The following DBT variants were observed in gnomAD, a reference collection of about 807,000 sequenced individuals.
The protein encoded by DBT is lipoamide acyltransferase component of branched-chain alpha-keto acid dehydrogenase complex, mitochondrial.
DBT carries 40 observed loss-of-function variants against 51.3 expected under a neutral mutation model. The ratio of observed to expected loss-of-function variants is 0.78; its 90% CI spans 0.61 to 1.02. The LOEUF (loss-of-function observed/expected upper bound fraction) is 1.02, where lower values mean the gene tolerates loss of function less well. Ranked by LOEUF, DBT falls within the 50% of genes least tolerant of loss-of-function variation. DBT has a pLI of 0.00. For synonymous variants in DBT, 181 were observed against 190.4 expected, an observed-to-expected ratio of 0.95 and a Z score of 0.41; for missense variants, 510 against 580.2, an observed-to-expected ratio of 0.88 and a Z score of 1.24.
intron 3 of DBT, among the ~76,000 whole-genome samples, chr1:100,231,784 G>A (rs569335894): frequency 6.6e-6 from 1 of 152,158 alleles, no homozygotes; most frequent in South Asian, 2.1e-4. Flanking sequence ...CAGAATTTTG[G>A]AAATCAAAAA....
chr1:100,232,485 A>G (rs1317250008), intron 3 of DBT, among the ~76,000 whole-genome samples: 1 of 152,120 alleles, frequency 6.6e-6, no homozygotes, highest in African/African-American at 2.4e-5. Flanking sequence ...TGTAACTTTA[A>G]AAAAAAATCC....
intron 10 of DBT, among the ~76,000 whole-genome samples, chr1:100,197,682 G>T (rs146639303): frequency 2.0e-5 from 3 of 152,134 alleles, no homozygotes; most frequent in Non-Finnish European, 4.4e-5. Context: ...AGTGACATAG[G>T]AGGAAAACCA....
intron 4 of DBT, among the ~76,000 whole-genome samples, chr1:100,223,179 A>C (rs1389776177): frequency 6.6e-6 from 1 of 152,186 alleles, no homozygotes; most frequent in East Asian, 1.9e-4. Flanking sequence ...ACATGTATGA[A>C]ATTTTTAAAA....
chr1:100,210,775 T>A lies in DBT; in HGVS notation c.940-4A>T. 6.2e-7 allele frequency: 1 copy of A among 1,613,604 alleles called. No homozygotes were observed. Among genetic ancestry groups the A allele is most frequent in the Non-Finnish European group, 8.5e-7 (1 of 1,179,578 alleles). On this transcript the variant is annotated splice_region_variant and splice_polypyrimidine_tract_variant and intron_variant, in intron 7 of 10. Transcript: ENST00000370132. ...GTAGTAATCCCAAGGAAGCAGCCTG[T>A]TTAACAGAAAAAGAATGCAATTTTA...
chr1:100,216,084 T>C lies in DBT; in HGVS notation c.671A>G (p.Glu224Gly). 1.1e-5 allele frequency: 17 copies of C among 1,613,882 alleles called. No individual in the cohort carries two copies. The highest frequency in any genetic ancestry group is 1.4e-5 in the Non-Finnish European group (16 of 1,179,778). Residue 224 changes from glutamate (E) to glycine (G), a missense_variant, in exon 6 of 11, where the codon GAA (glutamate) becomes GGA (glycine). By Grantham distance (98) the Glu-to-Gly change is moderately conservative. Transcript: ENST00000370132. ...TGGCTTTGGTGGAGGTGGCATAATT[T>C]CAACTTTGGGTGAAGGAGGCAATAT... The part of the protein sequence containing the change: ...GAILPPSPKV[E>G]IMPPPPKPKD...
At position 100,194,041 on chromosome 1, in the gene DBT, T is replaced by C. The variant is rs1660939302; in HGVS notation, c.*2214A>G. The C allele has an allele frequency of 6.6e-6, 1 of 152,240 alleles. No homozygotes were observed. Among genetic ancestry groups the C allele is most frequent in the Non-Finnish European group, 1.5e-5 (1 of 68,036 alleles). 9.4% of individuals were successfully genotyped at this position (152,240 alleles called of 1,614,324 possible). ...ATGTTTTAACAAAAAAGAATAGCCA[T>C]ACATACAGATAGATACATCAAAATG... On this transcript the variant is annotated 3_prime_UTR_variant, in exon 11 of 11. Transcript: ENST00000370132.
chr1:100,207,967 C>T (rs1293770892), intron 8 of DBT, among the ~76,000 whole-genome samples: 2 of 151,910 alleles, frequency 1.3e-5, no homozygotes, highest in Non-Finnish European at 2.9e-5. Context: ...CCCATCTGTA[C>T]GAAAAATACA....
chr1:100,245,890 T>G (rs891148936), intron 1 of DBT, among the ~76,000 whole-genome samples: 3 of 151,982 alleles, frequency 2.0e-5, no homozygotes, highest in Admixed American at 6.6e-5. Flanking sequence ...AGGTCAAGAC[T>G]GCAGTGAGCC....
rs1167827860 is a variant in DBT, at chr1:100,190,888, G to A, written c.*5367C>T. Reference sequence around the variant, plus strand: ...AGAAGAAAAGACCCGAACAGGTACTGTAAAGAGTGCCTTGGGCATGCGCTG... The same window carrying A: ...AGAAGAAAAGACCCGAACAGGTACTATAAAGAGTGCCTTGGGCATGCGCTG... On this transcript the variant is annotated 3_prime_UTR_variant, in exon 11 of 11. Transcript: ENST00000370132. 6.6e-6 allele frequency: 1 copy of A among 152,222 alleles called. No individual in the cohort carries two copies. The highest frequency in any genetic ancestry group is 6.5e-5 in the Admixed American group (1 of 15,292). 9.4% of individuals were successfully genotyped at this position (152,222 alleles called of 1,614,324 possible). A position where few individuals can be genotyped will look rare whatever the true frequency, so the allele number is the denominator to read the frequency against.
chr1:100,191,541 C>T lies in DBT; in HGVS notation c.*4714G>A, dbSNP rs1234140364. 6.6e-6 allele frequency: 1 copy of T among 152,120 alleles called. No individual in the cohort carries two copies. Among genetic ancestry groups the T allele is most frequent in the African/African-American group, 2.4e-5 (1 of 41,410 alleles). 9.4% of individuals were successfully genotyped at this position (152,120 alleles called of 1,614,324 possible). A position where few individuals can be genotyped will look rare whatever the true frequency, so the allele number is the denominator to read the frequency against. On this transcript the variant is annotated 3_prime_UTR_variant, in exon 11 of 11. Coordinates refer to ENST00000370132, the MANE Select transcript of DBT (RefSeq NM_001918.5). ...TGCCTTACTTTACATAGTTAACTTCCTTTTTAATCTGCCCATAAAAAAATT... is the reference window on the plus strand; with the variant it reads ...TGCCTTACTTTACATAGTTAACTTCTTTTTTAATCTGCCCATAAAAAAATT...
At position 100,214,801 on chromosome 1, in the gene DBT, A is replaced by G. The variant is rs1487437422; in HGVS notation, c.939+16T>C. 6.2e-7 allele frequency: 1 copy of G among 1,613,026 alleles called. No homozygotes were observed. The highest frequency in any genetic ancestry group is 8.5e-7 in the Non-Finnish European group (1 of 1,179,112). ...AATGTCCTACTCAAGCCTTGTTTGA[A>G]ATGAATGAATCTCACCTTTAAGAAG... is the stretch of plus-strand genomic sequence containing the variant. On this transcript the variant is annotated intron_variant, in intron 7 of 10. Coordinates refer to ENST00000370132, the MANE Select transcript of DBT (RefSeq NM_001918.5).
At chr1:100,244,277 C>A (rs191406569) in intron 1 of DBT, among the ~76,000 whole-genome samples, 1 of 152,176 alleles carries the variant, frequency 6.6e-6, no homozygotes, top group East Asian at 1.9e-4. Flanking sequence ...TCTGCTGGGA[C>A]ATTGAGCGGC....
chr1:100,243,872 T>C (rs1211872101), intron 1 of DBT, among the ~76,000 whole-genome samples: 4 of 150,408 alleles, frequency 2.7e-5, no homozygotes, highest in Non-Finnish European at 5.9e-5. Flanking sequence ...CACTCAAGCA[T>C]GGACATGCAT....
intron 10 of DBT, among the ~76,000 whole-genome samples, chr1:100,203,733 T>C (rs4495725): frequency 0.78 from 118,330 of 152,148 alleles, 48,024 homozygotes; most frequent in East Asian, 0.95. Context: ...TCCAGCAGCA[T>C]ATTACAAAGC....
In DBT at chr1:100,201,287, C is replaced by T. The variant is rs151237738; in HGVS notation, c.1282-4865G>A. On this transcript the variant is annotated intron_variant, in intron 10 of 10. Transcript: ENST00000370132. ...AGTATCAATAGCTGAATCGATCAAG[C>T]GGAAGAAAGGATATCAGAGATTGAA... Among the ~76,000 whole-genome samples the T allele has an allele frequency of 3.1e-3, 471 of 151,286 alleles. 3 individuals are homozygous for T. Among genetic ancestry groups the T allele is most frequent in the African/African-American group, 9.8e-3 (403 of 41,186 alleles).
chr1:100,245,641 T>G (rs1319714431), intron 1 of DBT, among the ~76,000 whole-genome samples: 1 of 152,178 alleles, frequency 6.6e-6, no homozygotes, highest in Non-Finnish European at 1.5e-5. Context: ...TTGACTAAAA[T>G]AGGTCTTTCC....
intron 1 of DBT, among the ~76,000 whole-genome samples, chr1:100,248,480 G>A (rs964908802): frequency 6.6e-6 from 1 of 152,224 alleles, no homozygotes; most frequent in African/African-American, 2.4e-5. Flanking sequence ...CTGGTTGGAA[G>A]ACTGGGGAAC....
At position 100,212,546 on chromosome 1, in the gene DBT, A is replaced by G. The variant is rs544715940; in HGVS notation, c.940-1775T>C. 5.3e-5 allele frequency among the ~76,000 whole-genome samples: 8 copies of G among 152,326 alleles called. No homozygotes were observed. In the South Asian group the frequency reaches 8.3e-4, roughly 16 times the overall value. ...CAAAGTGAACCCTTTCTAAAAAAAA[A>G]AAGAAGAAAGAAAGAAAAAGGGAGA... is the stretch of plus-strand genomic sequence containing the variant. On this transcript the variant is annotated intron_variant, in intron 7 of 10. Coordinates refer to ENST00000370132, the MANE Select transcript of DBT (RefSeq NM_001918.5).
Position 100,240,888 on chromosome 1 carries a change from C to T in DBT, c.52-4G>A, listed in dbSNP as rs2100844854. The T allele has an allele frequency of 6.2e-7, 1 of 1,612,994 alleles. No homozygotes were observed. Among genetic ancestry groups the T allele is most frequent in the Non-Finnish European group, 8.5e-7 (1 of 1,179,354 alleles). On this transcript the variant is annotated splice_region_variant and splice_polypyrimidine_tract_variant and intron_variant, in intron 1 of 10. Transcript: ENST00000370132. ...TTTGAAAATAGCGAACACAAATCTACAGATGAGAAAACAAAAAGTAAAAGC... is the reference window on the plus strand; with the variant it reads ...TTTGAAAATAGCGAACACAAATCTATAGATGAGAAAACAAAAAGTAAAAGC...
Sources: gnomAD v4.1 joint callset for allele counts (sites outside exome capture counted in the v4.1 genomes callset) on GRCh38, gnomAD v4.1.1 for gene constraint, MANE v1.5 for transcripts, NCBI Gene and HGNC (gene_info 2026-07-23, HGNC 2026-07-21) for gene names.